Variants in IDH3A observed in about 807,000 individuals in gnomAD.
IDH3A encodes the protein isocitrate dehydrogenase [NAD] subunit alpha, mitochondrial.
IDH3A carries 23 observed loss-of-function variants against 43.3 expected under a neutral mutation model. That is an observed-to-expected ratio of 0.53 (90% confidence interval 0.38 to 0.75). IDH3A has a LOEUF of 0.75. IDH3A is among the 30% of genes least tolerant of loss of function. The pLI, the probability that IDH3A is intolerant of heterozygous loss-of-function variation, is 0.00. For missense variants in IDH3A, 329 were observed against 474.4 expected, an observed-to-expected ratio of 0.69 and a Z score of 2.85; for synonymous variants, 154 against 163.5, an observed-to-expected ratio of 0.94 and a Z score of 0.44.
At chr15:78,157,368 C>T (rs2074631694) in intron 2 of IDH3A, 180 bp from the exon 3 acceptor site, 1 of 630,980 alleles carries the variant, frequency 1.6e-6, no homozygotes, top group African/African-American at 1.9e-5. Context: ...TGCAGAGTCT[C>T]TCCTCTGTTG....
At chr15:78,158,448 C>CATATATATAT (rs1555429599) in intron 3 of IDH3A, among the ~76,000 whole-genome samples, 7 of 28,226 alleles carry the variant, frequency 2.5e-4, no homozygotes, top group Admixed American at 6.7e-4. Context: ...TACATACATA[C>CATATATATAT]ATATATATAT....
chr15:78,150,783 GTTT>G (rs950920422), intron 1 of IDH3A: 1 of 152,126 alleles, frequency 6.6e-6, no homozygotes, highest in Non-Finnish European at 1.5e-5. Context: ...TCATTAACTG[GTTT>G]TTTTGTTCAA....
At chr15:78,149,556 C>A in intron 1 of IDH3A, 126 bp downstream of exon 1, 1 of 777,010 alleles carries the variant, frequency 1.3e-6, no homozygotes, top group Non-Finnish European at 1.9e-6. Context: ...CCCGCGGGGA[C>A]AGCTTGGGAG....
rs914141784 is a variant in IDH3A at position 78,153,998 on chromosome 15, G to A, written c.28-1215G>A. Among the ~76,000 whole-genome samples, 3 of 151,044 alleles carry A rather than the reference G, an allele frequency of 2.0e-5. No individual in the cohort carries two copies. In the South Asian group the frequency reaches 6.2e-4, roughly 31 times the overall value. ...GCACTCCAGCCTGGGCAACAAGAGTGAAACTCTGTCTCAAAAAAAAAAAAA... is the reference window on the plus strand; with the variant it reads ...GCACTCCAGCCTGGGCAACAAGAGTAAAACTCTGTCTCAAAAAAAAAAAAA... On this transcript the variant is annotated intron_variant, in intron 1 of 10. Coordinates refer to ENST00000299518, the MANE Select transcript of IDH3A (RefSeq NM_005530.3).
At chr15:78,162,473 T>G (rs1274028276) in intron 6 of IDH3A, 106 bp downstream of exon 6, 4 of 1,238,454 alleles carry the variant, frequency 3.2e-6, no homozygotes, top group Admixed American at 2.1e-5. Context: ...CCTAATATCT[T>G]TGAAAAAGAA....
At position 78,160,112 on chromosome 15, in the gene IDH3A, G is replaced by A. The variant is rs2074666415; in HGVS notation, c.195G>A (p.Glu65=). ...DAAKAPIQWE[E]RNVTAIQGPG... is the part of the protein sequence containing the mutation. Reference sequence around the variant, plus strand: ...TCTAGGCACCTATTCAGTGGGAGGAGCGGAACGTCACTGCCATTCAAGGAC... The same window carrying A: ...TCTAGGCACCTATTCAGTGGGAGGAACGGAACGTCACTGCCATTCAAGGAC... Residue 65 remains glutamate (E), a synonymous_variant, in exon 4 of 11, where the codon GAG becomes GAA. Transcript: ENST00000299518. 1 of 1,611,416 alleles carries A rather than the reference G, an allele frequency of 6.2e-7. No individual in the cohort carries two copies. The highest frequency in any genetic ancestry group is 8.5e-7 in the Non-Finnish European group (1 of 1,177,482).
chr15:78,168,535 G>A (rs1182931045), intron 10 of IDH3A: 1 of 155,008 alleles, frequency 6.5e-6, no homozygotes, highest in Non-Finnish European at 1.4e-5. Flanking sequence ...ATATGTCTCA[G>A]GTCTATTCCT....
At chr15:78,151,125 A>G (rs1039145339) in intron 1 of IDH3A, among the ~76,000 whole-genome samples, 1 of 151,994 alleles carries the variant, frequency 6.6e-6, no homozygotes, top group African/African-American at 2.4e-5. Flanking sequence ...TCTGACATGC[A>G]CTCCCTGTGT....
rs1011313174 is a variant in IDH3A at position 78,161,219 on chromosome 15, G to A, written c.290-362G>A. On this transcript the variant is annotated intron_variant, in intron 4 of 10. Coordinates refer to ENST00000299518, the MANE Select transcript of IDH3A (RefSeq NM_005530.3). This position sits in a 1 kb window ranked among gnomAD's most constrained non-coding sequence, Gnocchi z 4.8. ...TAAAGCCACAGACAGAACCAACATT[G>A]AATCTCATCTCTGCTACTTACTGGC... Among the ~76,000 whole-genome samples the A allele has an allele frequency of 1.4e-4, 22 of 152,234 alleles. No homozygotes were observed. The highest frequency in any genetic ancestry group is 5.3e-4 in the African/African-American group (22 of 41,460).
At chr15:78,156,928 G>T in intron 2 of IDH3A, 2 of 1,351,880 alleles carry the variant, frequency 1.5e-6, no homozygotes, top group Non-Finnish European at 2.0e-6. Context: ...CCAAGCTTAT[G>T]TAGATTACTC....
In IDH3A at chr15:78,149,971, A is replaced by G. The variant is rs374062218; in HGVS notation, c.27+541A>G. Among the ~76,000 whole-genome samples, 34 of 152,196 alleles carry G rather than the reference A, an allele frequency of 2.2e-4. No individual in the cohort carries two copies. In the East Asian group the frequency reaches 5.6e-3, roughly 25 times the overall value. Reference sequence around the variant, plus strand: ...AGAGAATCCGGGGGCCCTTTTCCCTATCAGATTGTTTTCCCTTTGGCGCTC... The same window carrying G: ...AGAGAATCCGGGGGCCCTTTTCCCTGTCAGATTGTTTTCCCTTTGGCGCTC... On this transcript the variant is annotated intron_variant, in intron 1 of 10. Transcript: ENST00000299518.
At position 78,160,149 on chromosome 15, in the gene IDH3A, TG is replaced by T; in HGVS notation, c.234del (p.Trp78Ter). 6.2e-7 allele frequency: 1 copy of T among 1,613,806 alleles called. No individual in the cohort carries two copies. Among genetic ancestry groups the T allele is most frequent in the Non-Finnish European group, 8.5e-7 (1 of 1,179,734 alleles). On this transcript the variant is annotated frameshift_variant, in exon 4 of 11. Coordinates refer to ENST00000299518, the MANE Select transcript of IDH3A (RefSeq NM_005530.3). LOFTEE classifies it high-confidence loss of function. ...VTAIQGPGGK[W>X]MIPSEAKESM... Reference sequence around the variant, plus strand: ...TGCCATTCAAGGACCTGGAGGAAAGTGGATGATCCCTTCAGAGGCTAAAGAG... The same window carrying T: ...TGCCATTCAAGGACCTGGAGGAAAGTGATGATCCCTTCAGAGGCTAAAGAG...
rs1281689958 is a variant in IDH3A at position 78,171,084 on chromosome 15, C to G, written c.*2079C>G. 5.6e-6 allele frequency: 1 copy of G among 177,394 alleles called. No homozygotes were observed. The highest frequency in any genetic ancestry group is 1.2e-5 in the Non-Finnish European group (1 of 83,350). 11.0% of individuals were successfully genotyped at this position (177,394 alleles called of 1,614,324 possible). A position where few individuals can be genotyped will look rare whatever the true frequency, so the allele number is the denominator to read the frequency against. On this transcript the variant is annotated 3_prime_UTR_variant, in exon 11 of 11. Coordinates refer to ENST00000299518, the MANE Select transcript of IDH3A (RefSeq NM_005530.3). ...GCAGTATCAGCCATCTCTCTCCTAC[C>G]CGCTCCACAGCCTACTGCTGGCTGT...
intron 6 of IDH3A, among the ~76,000 whole-genome samples, chr15:78,162,617 C>T (rs554827675): frequency 9.6e-5 from 14 of 146,206 alleles, no homozygotes; most frequent in African/African-American, 3.3e-4. Context: ...GCGATCTTGG[C>T]TCACTGCAAC....
chr15:78,165,437 C>T (rs1267984025), intron 9 of IDH3A, among the ~76,000 whole-genome samples: 3 of 151,976 alleles, frequency 2.0e-5, no homozygotes, highest in Admixed American at 6.6e-5. Context: ...ATGATCCATC[C>T]GCCTTGGCCT....
intron 2 of IDH3A, 178 bp downstream of exon 2, chr15:78,155,453 G>T (rs976277913): frequency 2.6e-5 from 12 of 459,500 alleles, no homozygotes; most frequent in Non-Finnish European, 4.3e-5. Context: ...GGTTACTTGC[G>T]CATTTGAAAG....
At chr15:78,149,552 G>A in intron 1 of IDH3A, 122 bp downstream of exon 1, 1 of 773,734 alleles carries the variant, frequency 1.3e-6, no homozygotes, top group African/African-American at 1.8e-5. Context: ...GCTGCCCGCG[G>A]GGACAGCTTG....
chr15:78,161,530 G>C lies in IDH3A; in HGVS notation c.290-51G>C. On this transcript the variant is annotated intron_variant, in intron 4 of 10. Transcript: ENST00000299518. This position sits in a 1 kb window ranked among gnomAD's most constrained non-coding sequence, Gnocchi z 4.8. ...GCCGAGGTGGGTTAGTAGGTCACACGTGAGACCAGAATTCCTTCTAGTGTC... is the reference window on the plus strand; with the variant it reads ...GCCGAGGTGGGTTAGTAGGTCACACCTGAGACCAGAATTCCTTCTAGTGTC... The C allele has an allele frequency of 6.6e-7, 1 of 1,514,392 alleles. No individual in the cohort carries two copies. The highest frequency in any genetic ancestry group is 9.1e-7 in the Non-Finnish European group (1 of 1,104,876). The allele number at this position is 1,514,392 out of a possible 1,614,324, so 93.8% of individuals were successfully genotyped here.
intron 2 of IDH3A, among the ~76,000 whole-genome samples, chr15:78,156,670 C>T (rs557473226): frequency 2.0e-5 from 3 of 152,248 alleles, no homozygotes; most frequent in African/African-American, 7.2e-5. Context: ...GAAAAAAAGC[C>T]AAGCCCCTAG....
Sources: gnomAD v4.1 joint callset for allele counts (sites outside exome capture counted in the v4.1 genomes callset) on GRCh38, gnomAD v4.1.1 for gene constraint, Gnocchi (gnomAD v3.1) non-coding constraint, MANE v1.5 for transcripts, NCBI Gene and HGNC (gene_info 2026-07-23, HGNC 2026-07-21) for gene names.